The following CHDH variants were observed in gnomAD, a reference collection of about 807,000 sequenced individuals.
CHDH encodes choline dehydrogenase, mitochondrial.
CHDH carries 43 observed loss-of-function variants against 56.9 expected under a neutral mutation model. The observed-to-expected ratio is 0.76, with a 90% CI of 0.59 to 0.97. CHDH has a LOEUF of 0.97. Among genes scored for constraint, CHDH ranks in the 50% least tolerant of loss-of-function variants. The pLI, the probability that CHDH is intolerant of heterozygous loss-of-function variation, is 0.00. For missense variants in CHDH, 816 were observed against 821.1 expected, an observed-to-expected ratio of 0.99 and a Z score of 0.08; for synonymous variants, 364 against 348.5, an observed-to-expected ratio of 1.04 and a Z score of -0.50.
In CHDH at chr3:53,818,033, T is replaced by C. The variant is rs754007948; in HGVS notation, c.1529A>G (p.Tyr510Cys). 4 of 1,614,066 alleles carry C rather than the reference T, an allele frequency of 2.5e-6. No homozygotes were observed. The highest frequency in any genetic ancestry group is 1.3e-5 in the African/African-American group (1 of 74,938). ...CATCTTACAGGTGCACGAGGGGTGG[T>C]AGGCGCTGTCGGCTTTTGCCCGCAC... Reference protein sequence around the residue: ...AFVRAKADSAYHPSCTCKMGQ... With the variant: ...AFVRAKADSACHPSCTCKMGQ... The change falls in exon 9 of 9, where the codon TAC becomes TGC. Residue 510 changes from tyrosine to cysteine, a missense_variant. By Grantham distance (194) the Tyr-to-Cys change is radical. Transcript: ENST00000315251.
intron 2 of CHDH, among the ~76,000 whole-genome samples, chr3:53,839,310 CA>C (rs1698601199): frequency 6.6e-6 from 1 of 152,200 alleles, no homozygotes. Context: ...GAGCAACTTG[CA>C]AAGGTCCATC....
chr3:53,834,637 G>A (rs1169012977), intron 2 of CHDH, among the ~76,000 whole-genome samples: 41 of 152,278 alleles, frequency 2.7e-4, no homozygotes, highest in Non-Finnish European at 5.9e-5. Flanking sequence ...AGATGCTTAC[G>A]CACCATTCCA....
intron 2 of CHDH, among the ~76,000 whole-genome samples, chr3:53,837,542 G>A (rs141860810): frequency 5.3e-4 from 80 of 152,370 alleles, no homozygotes; most frequent in African/African-American, 1.5e-3. Flanking sequence ...TTGGTAAGGC[G>A]TGGGCGCTGG....
intron 2 of CHDH, among the ~76,000 whole-genome samples, chr3:53,830,814 T>A (rs1698310010): frequency 6.6e-6 from 1 of 151,966 alleles, no homozygotes; most frequent in Non-Finnish European, 1.5e-5. Flanking sequence ...AGATGGCAAA[T>A]CTCTATTTGC....
rs2095612285 is a variant in CHDH, at chr3:53,814,450, A to C, written c.*3327T>G. ...ACTAGGAGGGCAGGAGACAATGAGGAGCAGGCCTGGGCCCTGGTTCCAACA... is the reference window on the plus strand; with the variant it reads ...ACTAGGAGGGCAGGAGACAATGAGGCGCAGGCCTGGGCCCTGGTTCCAACA... On this transcript the variant is annotated 3_prime_UTR_variant, in exon 9 of 9. Transcript: ENST00000315251. 1 of 152,204 alleles carries C rather than the reference A, an allele frequency of 6.6e-6. No homozygotes were observed. The highest frequency in any genetic ancestry group is 1.5e-5 in the Non-Finnish European group (1 of 68,038). 9.4% of individuals were successfully genotyped at this position (152,204 alleles called of 1,614,324 possible). A position where few individuals can be genotyped will look rare whatever the true frequency, so the allele number is the denominator to read the frequency against.
At chr3:53,842,235 A>G (rs1698693280) in intron 1 of CHDH, among the ~76,000 whole-genome samples, 1 of 152,202 alleles carries the variant, frequency 6.6e-6, no homozygotes, top group African/African-American at 2.4e-5. Flanking sequence ...CTCTTCTTAC[A>G]TAGCCTCACT....
intron 8 of CHDH, 102 bp downstream of exon 8, chr3:53,818,836 G>A (rs1576775535): frequency 1.2e-6 from 1 of 814,256 alleles, no homozygotes; most frequent in Non-Finnish European, 2.2e-6. Flanking sequence ...GGTCACTTGT[G>A]TCCTAGAAAG....
intron 1 of CHDH, among the ~76,000 whole-genome samples, chr3:53,843,183 C>T (rs1028970299): frequency 2.3e-4 from 21 of 92,362 alleles, no homozygotes; most frequent in Admixed American, 4.2e-4. Context: ...AATTTCCCCC[C>T]CCACCTTTTT....
chr3:53,822,733 T>G (rs1006856861), intron 3 of CHDH, 91 bp from the exon 4 acceptor site: 1 of 1,450,952 alleles, frequency 6.9e-7, no homozygotes, highest in Non-Finnish European at 9.3e-7. Context: ...AGAGTGGATA[T>G]GCCCAGCTCT....
rs1248074712 is a variant in CHDH, at chr3:53,816,145, C to CCG, written c.*1631_*1632insCG. 9.1e-6 allele frequency: 1 copy of CCG among 109,542 alleles called. No individual in the cohort carries two copies. The highest frequency in any genetic ancestry group is 4.0e-5 in the African/African-American group (1 of 25,298). The allele number at this position is 109,542 out of a possible 1,614,324, so 6.8% of individuals were successfully genotyped here. A position where few individuals can be genotyped will look rare whatever the true frequency, so the allele number is the denominator to read the frequency against. On this transcript the variant is annotated 3_prime_UTR_variant, in exon 9 of 9. Coordinates refer to ENST00000315251, the MANE Select transcript of CHDH (RefSeq NM_018397.5). ...GTGGCTGTCGGACGCCCCCCCCCCC[C>CCG]GCCCCAGTCTGTAAGCCGCCCCAAT...
In CHDH at chr3:53,819,093, A is replaced by G; in HGVS notation, c.1264-53T>C. ...GGTCCCTCCATAGACATCCACAGTGACCTCTGTCAACCCTGGTTTACCTGT... is the reference window on the plus strand; with the variant it reads ...GGTCCCTCCATAGACATCCACAGTGGCCTCTGTCAACCCTGGTTTACCTGT... On this transcript the variant is annotated intron_variant, in intron 7 of 8. Coordinates refer to ENST00000315251, the MANE Select transcript of CHDH (RefSeq NM_018397.5). This position sits in a 1 kb window ranked among gnomAD's most constrained non-coding sequence, Gnocchi z 5.4. The G allele has an allele frequency of 4.9e-6, 6 of 1,223,592 alleles. No homozygotes were observed. The highest frequency in any genetic ancestry group is 2.3e-5 in the East Asian group (1 of 42,902). 75.8% of individuals were successfully genotyped at this position (1,223,592 alleles called of 1,614,324 possible). A position where few individuals can be genotyped will look rare whatever the true frequency, so the allele number is the denominator to read the frequency against.
In CHDH at chr3:53,825,997, TTTAAAAA is replaced by T. The variant is rs1319279260; in HGVS notation, c.-59-1937_-59-1931del. On this transcript the variant is annotated intron_variant, in intron 2 of 8. Coordinates refer to ENST00000315251, the MANE Select transcript of CHDH (RefSeq NM_018397.5). ...AAAAATTATACCCAGGGAATACATC[TTTAAAAA>T]TAAATTAGATGATAATTTAGATGAA... Among the ~76,000 whole-genome samples, 14 of 152,142 alleles carry T rather than the reference TTTAAAAA, an allele frequency of 9.2e-5. 1 individual carries two copies. The highest frequency in any genetic ancestry group is 2.9e-5 in the Non-Finnish European group (2 of 68,010).
chr3:53,832,926 A>G lies in CHDH; in HGVS notation c.-60+8003T>C, dbSNP rs534559923. On this transcript the variant is annotated intron_variant, in intron 2 of 8. Coordinates refer to ENST00000315251, the MANE Select transcript of CHDH (RefSeq NM_018397.5). ...GAATTACGCTTACAATGGTTAAATC[A>G]CCAACAAAATCCTACATGCGACTGA... 2.0e-5 allele frequency among the ~76,000 whole-genome samples: 3 copies of G among 152,344 alleles called. No individual in the cohort carries two copies. The East Asian group carries it at 5.8e-4, about 29-fold the overall frequency.
At chr3:53,825,934 AAG>A (rs2095638272) in intron 2 of CHDH, among the ~76,000 whole-genome samples, 1 of 152,152 alleles carries the variant, frequency 6.6e-6, no homozygotes, top group Non-Finnish European at 1.5e-5. Flanking sequence ...TAAATATTGA[AAG>A]AAAAAAAAAC....
At chr3:53,845,107 G>A (rs959892365) in intron 1 of CHDH, among the ~76,000 whole-genome samples, 2 of 152,258 alleles carry the variant, frequency 1.3e-5, no homozygotes, top group East Asian at 1.9e-4. Context: ...ACTCAGAGAG[G>A]TGGAATGAGG....
chr3:53,836,310 C>A (rs189645726), intron 2 of CHDH, among the ~76,000 whole-genome samples: 38 of 152,352 alleles, frequency 2.5e-4, no homozygotes, highest in African/African-American at 8.9e-4. Flanking sequence ...GCCCCCCAGG[C>A]CCTCTTGTCC....
chr3:53,830,402 T>TTTTA (rs138442869), intron 2 of CHDH, among the ~76,000 whole-genome samples: 3 of 147,086 alleles, frequency 2.0e-5, no homozygotes, highest in Middle Eastern at 3.6e-3. Context: ...CTAAATGAGA[T>TTTTA]TATATATATA....
At position 53,816,319 on chromosome 3, in the gene CHDH, T is replaced by C. The variant is rs2106953104; in HGVS notation, c.*1458A>G. On this transcript the variant is annotated 3_prime_UTR_variant, in exon 9 of 9. Transcript: ENST00000315251. ...ATGTCTGGAAAAATCCAAGTGCATTTTATTTTCATTACCTTGTCAGAACAG... is the reference window on the plus strand; with the variant it reads ...ATGTCTGGAAAAATCCAAGTGCATTCTATTTTCATTACCTTGTCAGAACAG... 6.6e-6 allele frequency: 1 copy of C among 152,304 alleles called. No homozygotes were observed. The highest frequency in any genetic ancestry group is 1.9e-4 in the East Asian group (1 of 5,190). 9.4% of individuals were successfully genotyped at this position (152,304 alleles called of 1,614,324 possible).
rs946660123 is a variant in CHDH, at chr3:53,819,159, C to T, written c.1264-119G>A. ...TTCCAGAATCAGTGGGGAACAGATG[C>T]ATGTTAGCATTTGCCCGCATGGTAC... is the stretch of plus-strand genomic sequence containing the variant. On this transcript the variant is annotated intron_variant, in intron 7 of 8. Transcript: ENST00000315251. This position sits in a 1 kb window ranked among gnomAD's most constrained non-coding sequence, Gnocchi z 5.4. The T allele has an allele frequency of 2.9e-6, 2 of 695,636 alleles. No homozygotes were observed. The highest frequency in any genetic ancestry group is 2.6e-5 in the East Asian group (1 of 38,792). The allele number at this position is 695,636 out of a possible 1,614,324, so 43.1% of individuals were successfully genotyped here.
Sources: gnomAD v4.1 joint callset for allele counts (sites outside exome capture counted in the v4.1 genomes callset) on GRCh38, gnomAD v4.1.1 for gene constraint, Gnocchi (gnomAD v3.1) non-coding constraint, MANE v1.5 for transcripts, NCBI Gene and HGNC (gene_info 2026-07-23, HGNC 2026-07-21) for gene names.